The following RALGPS1 variants were observed in gnomAD, a reference collection of about 807,000 sequenced individuals.
The protein encoded by RALGPS1 is Ral GEF with PH domain and SH3 binding motif 1, also known as ras-specific guanine nucleotide-releasing factor RalGPS1.
Under a neutral mutation model 78.8 loss-of-function variants are expected in RALGPS1, and 19 were observed. The observed-to-expected ratio is 0.24, with a 90% CI of 0.17 to 0.35. The LOEUF (loss-of-function observed/expected upper bound fraction) is 0.35. Ranked by LOEUF, RALGPS1 falls within the 10% of genes least tolerant of loss-of-function variation. The probability of loss-of-function intolerance (pLI) is 1.00; values close to 1 mark genes in which losing one functional copy is unlikely to be tolerated. For synonymous variants in RALGPS1, 228 were observed against 256.3 expected, an observed-to-expected ratio of 0.89 and a Z score of 1.06; for missense variants, 454 against 688.3, an observed-to-expected ratio of 0.66 and a Z score of 3.81.
intron 8 of RALGPS1, chr9:127,108,914 C>A: frequency 1.5e-6 from 1 of 646,958 alleles, no homozygotes; most frequent in South Asian, 2.4e-5. Context: ...GGGTTATATT[C>A]TCTTGGAGTC....
chr9:127,002,448 C>CTTTT (rs376846876), intron 4 of RALGPS1, among the ~76,000 whole-genome samples: 1 of 127,642 alleles, frequency 7.8e-6, no homozygotes, highest in Non-Finnish European at 1.6e-5. Context: ...TTTTTTTTTT[C>CTTTT]TTTTTTTTTT....
intron 4 of RALGPS1, among the ~76,000 whole-genome samples, chr9:127,016,204 C>T (rs530368195): frequency 2.0e-5 from 3 of 152,308 alleles, no homozygotes; most frequent in African/African-American, 7.2e-5. Flanking sequence ...CCACCCCTTC[C>T]TGACTGTCTC....
chr9:127,132,547 C>G (rs2057080362), intron 8 of RALGPS1, among the ~76,000 whole-genome samples: 1 of 152,236 alleles, frequency 6.6e-6, no homozygotes, highest in South Asian at 2.1e-4. Context: ...CTTTGGGTCT[C>G]CAGTGCCCAG....
chr9:127,008,184 G>A (rs1336088115), intron 4 of RALGPS1, among the ~76,000 whole-genome samples: 1 of 151,804 alleles, frequency 6.6e-6, no homozygotes, highest in African/African-American at 2.4e-5. Context: ...GGTATGTGCA[G>A]AATTTGGTTT....
At chr9:126,977,565 T>A (rs2040787491) in intron 3 of RALGPS1, 130 bp from the exon 4 acceptor site, 1 of 504,484 alleles carries the variant, frequency 2.0e-6, no homozygotes, top group Non-Finnish European at 3.3e-6. Context: ...TTTTTTACTC[T>A]ATTTGGTCTT....
At chr9:127,119,725 A>G (rs1278050420) in intron 8 of RALGPS1, among the ~76,000 whole-genome samples, 1 of 152,196 alleles carries the variant, frequency 6.6e-6, no homozygotes, top group Non-Finnish European at 1.5e-5. Flanking sequence ...TTCAGCAATA[A>G]CATGTAGTCC....
chr9:127,026,555 T>A (rs1292091508), intron 4 of RALGPS1, among the ~76,000 whole-genome samples: 4 of 152,086 alleles, frequency 2.6e-5, no homozygotes, highest in Non-Finnish European at 4.4e-5. Context: ...CAAAATGTTT[T>A]TTCAGTCTGT....
chr9:127,088,974 T>C, intron 8 of RALGPS1: 1 of 1,614,204 alleles, frequency 6.2e-7, no homozygotes, highest in Non-Finnish European at 8.5e-7. Context: ...CGGATCATCA[T>C]CACCACTTTC....
At chr9:127,171,562 A>G (rs960429299) in intron 10 of RALGPS1, among the ~76,000 whole-genome samples, 24 of 152,184 alleles carry the variant, frequency 1.6e-4, no homozygotes, top group African/African-American at 5.3e-4. Flanking sequence ...GAGTTCAAGA[A>G]CAGCCTGACC....
intron 8 of RALGPS1, among the ~76,000 whole-genome samples, chr9:127,128,431 CT>C (rs1454282663): frequency 2.0e-5 from 3 of 152,142 alleles, no homozygotes; most frequent in Non-Finnish European, 4.4e-5. Flanking sequence ...GAATGTGATG[CT>C]TTTTACAGTT....
At chr9:127,176,513 G>A (rs567809985) in intron 11 of RALGPS1, among the ~76,000 whole-genome samples, 31 of 152,320 alleles carry the variant, frequency 2.0e-4, no homozygotes, top group Non-Finnish European at 3.4e-4. Flanking sequence ...CTATTGCATC[G>A]GGAGATAGTG....
intron 11 of RALGPS1, among the ~76,000 whole-genome samples, chr9:127,190,739 A>G (rs1396171451): frequency 6.6e-6 from 1 of 152,170 alleles, no homozygotes; most frequent in African/African-American, 2.4e-5. Context: ...GTATATATGC[A>G]GGAGTTTCTC....
At chr9:127,019,504 T>G (rs1276050438) in intron 4 of RALGPS1, among the ~76,000 whole-genome samples, 1 of 152,030 alleles carries the variant, frequency 6.6e-6, no homozygotes, top group Non-Finnish European at 1.5e-5. Flanking sequence ...ATTTTTTGTA[T>G]TTTTAGTAGA....
At chr9:127,035,699 A>G (rs2046807958) in intron 5 of RALGPS1, among the ~76,000 whole-genome samples, 1 of 152,158 alleles carries the variant, frequency 6.6e-6, no homozygotes. Context: ...ATCCTCAGAA[A>G]GGCACCAGCT....
intron 4 of RALGPS1, among the ~76,000 whole-genome samples, chr9:127,011,005 G>A (rs898071798): frequency 5.3e-5 from 8 of 152,072 alleles, no homozygotes; most frequent in East Asian, 3.9e-4. Context: ...GAGGCTCCCC[G>A]AGACCTCCTC....
intron 14 of RALGPS1, among the ~76,000 whole-genome samples, chr9:127,201,649 C>G (rs539867174): frequency 6.2e-4 from 95 of 152,308 alleles, no homozygotes; most frequent in African/African-American, 2.2e-3. Context: ...CCTTCATGCT[C>G]TTTCCTGGGT....
intron 1 of RALGPS1, among the ~76,000 whole-genome samples, chr9:126,923,389 G>A (rs558529412): frequency 6.6e-6 from 1 of 152,284 alleles, no homozygotes; most frequent in South Asian, 2.1e-4. Context: ...GCTGCCTCAA[G>A]GTGTGGCTTC....
intron 1 of RALGPS1, among the ~76,000 whole-genome samples, chr9:126,932,954 A>G (rs528002593): frequency 2.8e-4 from 43 of 151,820 alleles, no homozygotes; most frequent in African/African-American, 1.0e-3. Flanking sequence ...GGTGAGCTTC[A>G]TGCTATTCAG....
chr9:126,931,223 G>A (rs2035761487), intron 1 of RALGPS1, among the ~76,000 whole-genome samples: 1 of 152,154 alleles, frequency 6.6e-6, no homozygotes, highest in Non-Finnish European at 1.5e-5. Flanking sequence ...TGGTCTTACG[G>A]CCACAACTTT....
Sources: gnomAD v4.1 joint callset for allele counts (sites outside exome capture counted in the v4.1 genomes callset) on GRCh38, gnomAD v4.1.1 for gene constraint, MANE v1.5 for transcripts, NCBI Gene and HGNC (gene_info 2026-07-23, HGNC 2026-07-21) for gene names.